Variants in PCDH7 observed in about 807,000 individuals in gnomAD.
PCDH7 encodes the protein protocadherin 7, also known as protocadherin-7.
A neutral mutation model predicts 58.9 loss-of-function variants in PCDH7; 17 were observed. That is an observed-to-expected ratio of 0.29 (90% CI 0.20 to 0.43). The LOEUF is 0.43. PCDH7 is among the 20% of genes least tolerant of loss of function. The probability of loss-of-function intolerance (pLI) is 1.00; values close to 1 mark genes in which losing one functional copy is unlikely to be tolerated. For synonymous variants in PCDH7, 664 were observed against 616.4 expected, an observed-to-expected ratio of 1.08 and a Z score of -1.14; for missense variants, 1,274 against 1,441.0, an observed-to-expected ratio of 0.88 and a Z score of 1.88.
At chr4:30,954,727 A>T (rs4499665) in intron 3 of PCDH7, among the ~76,000 whole-genome samples, 93,304 of 151,958 alleles carry the variant, frequency 0.61, 29,841 homozygotes, top group African/African-American at 0.81. Flanking sequence ...TGCCATTAAA[A>T]TGGGGGATTT....
chr4:30,969,938 A>G (rs1489618521), intron 3 of PCDH7, among the ~76,000 whole-genome samples: 6 of 152,168 alleles, frequency 3.9e-5, no homozygotes, highest in Non-Finnish European at 7.3e-5. Context: ...TTATCTGTCT[A>G]CCACTTCCTG....
intron 1 of PCDH7, 87 bp from the exon 2 acceptor site, chr4:30,920,066 C>G (rs1425706283): frequency 1.0e-6 from 1 of 1,001,680 alleles, no homozygotes; most frequent in Admixed American, 2.6e-5. Context: ...GCCAGTAGAC[C>G]TTAATGTATG....
chr4:30,754,568 T>G (rs2109262098), intron 1 of PCDH7, among the ~76,000 whole-genome samples: 1 of 152,222 alleles, frequency 6.6e-6, no homozygotes, highest in East Asian at 1.9e-4. Flanking sequence ...CTTGTCAGGC[T>G]CAAGGTACTT....
At chr4:31,042,329 T>A (rs1377805094) in intron 3 of PCDH7, among the ~76,000 whole-genome samples, 1 of 152,148 alleles carries the variant, frequency 6.6e-6, no homozygotes, top group African/African-American at 2.4e-5. Context: ...AGAACAACCA[T>A]ATATTTTTTC....
intron 1 of PCDH7, among the ~76,000 whole-genome samples, chr4:30,817,820 C>T (rs1171001605): frequency 6.6e-6 from 1 of 152,182 alleles, no homozygotes; most frequent in Non-Finnish European, 1.5e-5. Flanking sequence ...ACCCTGGCCC[C>T]TACAGCACTC....
intron 3 of PCDH7, among the ~76,000 whole-genome samples, chr4:31,112,537 C>T (rs962340075): frequency 6.6e-6 from 1 of 152,174 alleles, no homozygotes; most frequent in Non-Finnish European, 1.5e-5. Flanking sequence ...CCTATCAATA[C>T]TGTATGTTCA....
At chr4:30,823,549 A>G (rs1728631977) in intron 1 of PCDH7, among the ~76,000 whole-genome samples, 3 of 152,262 alleles carry the variant, frequency 2.0e-5, no homozygotes, top group South Asian at 2.1e-4. Context: ...TGAGATTACA[A>G]TAAAGTCCCT....
At chr4:30,820,624 A>G (rs6844742) in intron 1 of PCDH7, among the ~76,000 whole-genome samples, 43,462 of 151,950 alleles carry the variant, frequency 0.29, 7,555 homozygotes, top group African/African-American at 0.49. Flanking sequence ...TTTTTTAAGG[A>G]ATGAAGAAGT....
At chr4:30,939,063 A>G (rs1745719207) in intron 2 of PCDH7, among the ~76,000 whole-genome samples, 1 of 152,104 alleles carries the variant, frequency 6.6e-6, no homozygotes, top group Non-Finnish European at 1.5e-5. Flanking sequence ...TTACACCTAA[A>G]GCTCTAATTT....
chr4:30,761,233 G>T (rs1162049247), intron 1 of PCDH7, among the ~76,000 whole-genome samples: 1 of 152,176 alleles, frequency 6.6e-6, no homozygotes, highest in Non-Finnish European at 1.5e-5. Context: ...TTCACTAACA[G>T]AGCTTTTAGG....
At chr4:30,810,489 A>G (rs1312926726) in intron 1 of PCDH7, among the ~76,000 whole-genome samples, 3 of 151,920 alleles carry the variant, frequency 2.0e-5, no homozygotes, top group Non-Finnish European at 4.4e-5. Flanking sequence ...TTTCTTCATC[A>G]TAATAAAGTA....
intron 1 of PCDH7, among the ~76,000 whole-genome samples, chr4:30,915,515 C>A (rs10034034): frequency 6.6e-6 from 1 of 152,032 alleles, no homozygotes; most frequent in African/African-American, 2.4e-5. Flanking sequence ...TCATTCTCAC[C>A]TCTGTTGTTG....
chr4:30,829,052 C>T (rs1282911997), intron 1 of PCDH7, among the ~76,000 whole-genome samples: 1 of 151,910 alleles, frequency 6.6e-6, no homozygotes, highest in East Asian at 1.9e-4. Context: ...AGATCTAAGC[C>T]ATATACATGT....
At chr4:30,983,567 A>G (rs1168413695) in intron 3 of PCDH7, among the ~76,000 whole-genome samples, 1 of 152,218 alleles carries the variant, frequency 6.6e-6, no homozygotes, top group Non-Finnish European at 1.5e-5. Flanking sequence ...GATCATTCAT[A>G]GCTTTATTTT....
chr4:31,132,011 G>T (rs1316984293), intron 3 of PCDH7, among the ~76,000 whole-genome samples: 3 of 152,058 alleles, frequency 2.0e-5, no homozygotes, highest in African/African-American at 4.8e-5. Flanking sequence ...ATTCATTTTA[G>T]ATTTTCACAT....
At chr4:30,999,959 A>G (rs971749022) in intron 3 of PCDH7, among the ~76,000 whole-genome samples, 1 of 152,182 alleles carries the variant, frequency 6.6e-6, no homozygotes, top group Non-Finnish European at 1.5e-5. Context: ...AGAGCAACAA[A>G]CATGTTGATG....
chr4:30,737,233 T>G (rs780126510), downstream of PCDH7, among the ~76,000 whole-genome samples: 2 of 152,218 alleles, frequency 1.3e-5, no homozygotes, highest in Admixed American at 1.3e-4. Context: ...ATGGGAGTCA[T>G]ATAAAACATT....
At chr4:31,020,813 G>T (rs565436034) in intron 3 of PCDH7, among the ~76,000 whole-genome samples, 1 of 152,292 alleles carries the variant, frequency 6.6e-6, no homozygotes, top group Non-Finnish European at 1.5e-5. Context: ...TTTGAGTAAT[G>T]CAGGGCTGTA....
chr4:30,954,731 G>A (rs1393899271), intron 3 of PCDH7, among the ~76,000 whole-genome samples: 1 of 152,010 alleles, frequency 6.6e-6, no homozygotes, highest in Non-Finnish European at 1.5e-5. Context: ...ATTAAAATGG[G>A]GGATTTGGAC....
Sources: gnomAD v4.1 joint callset for allele counts (sites outside exome capture counted in the v4.1 genomes callset) on GRCh38, gnomAD v4.1.1 for gene constraint, MANE v1.5 for transcripts, NCBI Gene and HGNC (gene_info 2026-07-23, HGNC 2026-07-21) for gene names.